CLYBL: variants seen among roughly 807,000 people sequenced by gnomAD.
The protein encoded by CLYBL is citramalyl-CoA lyase, mitochondrial.
CLYBL carries 31 observed loss-of-function variants against 38.9 expected under a neutral mutation model. The observed-to-expected ratio is 0.80, with a 90% confidence interval of 0.60 to 1.08. The LOEUF (loss-of-function observed/expected upper bound fraction) is 1.08, where lower values mean the gene tolerates loss of function less well. Ranked by LOEUF, CLYBL falls within the 50% of genes least tolerant of loss-of-function variation. The pLI is 0.00. For missense variants in CLYBL, 434 were observed against 411.6 expected, an observed-to-expected ratio of 1.05 and a Z score of -0.47; for synonymous variants, 171 against 158.6, an observed-to-expected ratio of 1.08 and a Z score of -0.59.
chr13:99,897,693 C>G (rs1020908872), downstream of CLYBL, among the ~76,000 whole-genome samples: 1 of 152,182 alleles, frequency 6.6e-6, no homozygotes, highest in African/African-American at 2.4e-5. Context: ...CGCCTGTAAT[C>G]CCAGCACTTT....
chr13:99,674,142 CTTTTTTTTTTTTT>C (rs1167068936), intron 1 of CLYBL, among the ~76,000 whole-genome samples: 15 of 51,154 alleles, frequency 2.9e-4, no homozygotes, highest in East Asian at 2.1e-3. Context: ...TACTAGAATT[CTTTTTTTTTTTTT>C]TTTTTTTTTT....
chr13:99,683,868 TA>T (rs201153806), intron 1 of CLYBL, among the ~76,000 whole-genome samples: 8 of 149,930 alleles, frequency 5.3e-5, no homozygotes, highest in Non-Finnish European at 7.4e-5. Flanking sequence ...TATATATATA[TA>T]AAATTTTTTT....
At chr13:99,662,161 G>A (rs569152568) in intron 1 of CLYBL, among the ~76,000 whole-genome samples, 8 of 152,234 alleles carry the variant, frequency 5.3e-5, no homozygotes, top group South Asian at 2.1e-4. Flanking sequence ...TTTGGTTGTC[G>A]TTTACTTTGT....
intron 1 of CLYBL, among the ~76,000 whole-genome samples, chr13:99,755,450 C>T (rs1654791109): frequency 6.6e-6 from 1 of 152,122 alleles, no homozygotes; most frequent in African/African-American, 2.4e-5. Context: ...GATCATGGCC[C>T]TGCAGACAGG....
chr13:99,801,148 C>A (rs898148224), intron 2 of CLYBL, among the ~76,000 whole-genome samples: 4 of 152,146 alleles, frequency 2.6e-5, no homozygotes, highest in Admixed American at 1.3e-4. Context: ...AGGTGCCCCC[C>A]CTCCACACGT....
chr13:99,676,063 C>T (rs2047639261), intron 1 of CLYBL, among the ~76,000 whole-genome samples: 2 of 152,056 alleles, frequency 1.3e-5, no homozygotes, highest in South Asian at 2.1e-4. Context: ...ATTATGTTGG[C>T]CATGCTGGTC....
At chr13:99,614,591 C>G (rs1425984364) in intron 1 of CLYBL, among the ~76,000 whole-genome samples, 1 of 152,122 alleles carries the variant, frequency 6.6e-6, no homozygotes, top group African/African-American at 2.4e-5. Context: ...AGGTCTCTGC[C>G]AACAACTCAG....
intron 2 of CLYBL, among the ~76,000 whole-genome samples, chr13:99,787,993 C>G (rs1245311369): frequency 6.6e-6 from 1 of 152,112 alleles, no homozygotes; most frequent in Non-Finnish European, 1.5e-5. Context: ...TGATTTGGCT[C>G]TCTGTTTGTC....
intron 2 of CLYBL, among the ~76,000 whole-genome samples, chr13:99,812,721 A>G (rs577973772): frequency 2.0e-5 from 3 of 152,294 alleles, no homozygotes; most frequent in African/African-American, 7.2e-5. Flanking sequence ...CCCTGACTGG[A>G]GATGGAAGTA....
At chr13:99,629,358 G>A (rs996003928) in intron 1 of CLYBL, among the ~76,000 whole-genome samples, 1 of 152,180 alleles carries the variant, frequency 6.6e-6, no homozygotes, top group African/African-American at 2.4e-5. Flanking sequence ...TGCGTCTGTT[G>A]AAATCTCAGT....
intron 7 of CLYBL, among the ~76,000 whole-genome samples, chr13:99,872,073 G>A (rs899196145): frequency 4.6e-5 from 7 of 151,336 alleles, no homozygotes; most frequent in Non-Finnish European, 7.4e-5. Context: ...CATGTCCCTC[G>A]CACTTTTCAC....
Position 99,723,952 on chromosome 13 carries a change from G to A in CLYBL, c.63-48872G>A, listed in dbSNP as rs114133916. Among the ~76,000 whole-genome samples the A allele has an allele frequency of 2.8e-3, 424 of 150,894 alleles. 2 individuals are homozygous for A. The highest frequency in any genetic ancestry group is 9.8e-3 in the African/African-American group (403 of 41,030). ...TGTGTAGATTTTTCAATTCTCCTCCGTGTCACTTGGCTGTCCTCACCATTG... is the reference window on the plus strand; with the variant it reads ...TGTGTAGATTTTTCAATTCTCCTCCATGTCACTTGGCTGTCCTCACCATTG... On this transcript the variant is annotated intron_variant, in intron 1 of 8. Transcript: ENST00000339105.
intron 2 of CLYBL, among the ~76,000 whole-genome samples, chr13:99,797,081 T>A (rs1175642057): frequency 1.3e-5 from 2 of 152,228 alleles, no homozygotes; most frequent in Non-Finnish European, 2.9e-5. Flanking sequence ...TCAACATTGA[T>A]AGAAGCACCA....
chr13:99,859,511 GAGGAAAAGGTCACTCTTT>G (rs2051546614), intron 3 of CLYBL, among the ~76,000 whole-genome samples: 2 of 152,214 alleles, frequency 1.3e-5, no homozygotes, highest in Non-Finnish European at 2.9e-5. Context: ...CAAAGAAGGG[GAGGAAAAGGTCACTCTTT>G]AGGGCAACTG....
intron 1 of CLYBL, among the ~76,000 whole-genome samples, chr13:99,680,590 G>A (rs369113246): frequency 5.3e-5 from 8 of 152,260 alleles, no homozygotes; most frequent in African/African-American, 1.9e-4. Flanking sequence ...ATCACTAGTC[G>A]AAAAGCTTGT....
At chr13:99,683,428 G>A (rs1489524636) in intron 1 of CLYBL, among the ~76,000 whole-genome samples, 3 of 152,124 alleles carry the variant, frequency 2.0e-5, no homozygotes, top group African/African-American at 7.2e-5. Flanking sequence ...TATAGTAACA[G>A]TAAGTTTAAA....
intron 2 of CLYBL, among the ~76,000 whole-genome samples, chr13:99,818,468 C>CACACACACACACACACGG (rs2050505871): frequency 6.6e-6 from 1 of 151,862 alleles, no homozygotes; most frequent in African/African-American, 2.4e-5. Context: ...CACACACACA[C>CACACACACACACACACGG]ACACACACAC....
rs2051741347 is a variant in CLYBL, at chr13:99,866,288, AGAT to A, written c.684_686del (p.Lys228_Ile229delinsAsn). 1.2e-6 allele frequency: 2 copies of A among 1,613,908 alleles called. No individual in the cohort carries two copies. Among genetic ancestry groups the A allele is most frequent in the Non-Finnish European group, 1.7e-6 (2 of 1,180,024 alleles). The stretch of plus-strand genomic sequence containing the variant: ...CTGGATATTCTCTACGCCCGGCAAA[AGAT>A]TGTTGTCATAGCGAAAGCCTTTGGT... On this transcript the variant is annotated inframe_deletion, in exon 6 of 9. Coordinates refer to ENST00000339105, the MANE Select transcript of CLYBL (RefSeq NM_206808.5).
intron 5 of CLYBL, among the ~76,000 whole-genome samples, 156 bp from the exon 6 acceptor site, chr13:99,866,084 G>T (rs547178508): frequency 6.6e-6 from 1 of 152,124 alleles, no homozygotes; most frequent in South Asian, 2.1e-4. Context: ...GCCTCCACGC[G>T]TCCCTGTCTT....
Sources: gnomAD v4.1 joint callset for allele counts (sites outside exome capture counted in the v4.1 genomes callset) on GRCh38, gnomAD v4.1.1 for gene constraint, MANE v1.5 for transcripts, NCBI Gene and HGNC (gene_info 2026-07-23, HGNC 2026-07-21) for gene names.